WDR20: variants seen among roughly 807,000 people sequenced by gnomAD.
WDR20 encodes the protein WD repeat-containing protein 20.
In WDR20, 3 loss-of-function variants were observed where a neutral mutation model predicts 38.7. That is an observed-to-expected ratio of 0.08 (90% CI 0.04 to 0.20). WDR20 has a LOEUF of 0.20. WDR20 is among the 10% of genes least tolerant of loss of function. The pLI, the probability that WDR20 is intolerant of heterozygous loss-of-function variation, is 1.00. For synonymous variants in WDR20, 298 were observed against 285.6 expected, an observed-to-expected ratio of 1.04 and a Z score of -0.44; for missense variants, 559 against 727.7, an observed-to-expected ratio of 0.77 and a Z score of 2.67.
At chr14:102,194,057 C>G (rs1462873583) in intron 1 of WDR20, among the ~76,000 whole-genome samples, 3 of 152,206 alleles carry the variant, frequency 2.0e-5, no homozygotes, top group Non-Finnish European at 4.4e-5. Context: ...TCTCCCCATC[C>G]CCTTAATGGT....
chr14:102,193,639 C>T (rs752186757), intron 1 of WDR20: 52 of 833,840 alleles, frequency 6.2e-5, no homozygotes, highest in Admixed American at 2.5e-4. Context: ...TGCTCAAAGA[C>T]GCCTGTAATT....
chr14:102,193,154 T>G (rs1465544528), intron 1 of WDR20, among the ~76,000 whole-genome samples: 1 of 151,320 alleles, frequency 6.6e-6, no homozygotes, highest in Non-Finnish European at 1.5e-5. Flanking sequence ...TTTGTGGCTG[T>G]CTTCCTCGTT....
downstream of WDR20, chr14:102,214,410 C>A: frequency 1.0e-6 from 1 of 985,432 alleles, no homozygotes; most frequent in Non-Finnish European, 1.2e-6. Context: ...TAAAAGCACT[C>A]GTATGCAACT....
chr14:102,213,744 T>TG (rs1177265519), downstream of WDR20: 9 of 985,310 alleles, frequency 9.1e-6, no homozygotes, highest in African/African-American at 1.4e-4. Context: ...GTGCTGAAGT[T>TG]GCCTGCATAC....
In WDR20 at chr14:102,179,847, A is replaced by G. The variant is rs1419410018; in HGVS notation, c.250-15091A>G. Reference sequence around the variant, plus strand: ...GAGTGCATTTAAAAAATGTAAATTGATACTATTAATAATGATAACAGTTAC... The same window carrying G: ...GAGTGCATTTAAAAAATGTAAATTGGTACTATTAATAATGATAACAGTTAC... On this transcript the variant is annotated intron_variant, in intron 1 of 2. Coordinates refer to ENST00000342702, the MANE Select transcript of WDR20 (RefSeq NM_144574.4). Among the ~76,000 whole-genome samples the G allele has an allele frequency of 2.0e-5, 3 of 152,180 alleles. 1 individual carries two copies. Among genetic ancestry groups the G allele is most frequent in the African/African-American group, 4.8e-5 (2 of 41,446 alleles).
downstream of WDR20, among the ~76,000 whole-genome samples, chr14:102,218,656 T>G (rs1597143341): frequency 6.6e-6 from 1 of 151,930 alleles, no homozygotes; most frequent in Non-Finnish European, 1.5e-5. Context: ...TTTTTATCAC[T>G]TAATTTTGAA....
chr14:102,200,060 C>T (rs974912887), intron 2 of WDR20, among the ~76,000 whole-genome samples: 3 of 152,222 alleles, frequency 2.0e-5, no homozygotes, highest in African/African-American at 4.8e-5. Flanking sequence ...GCCCAGTGAG[C>T]ATGGGCAGGC....
At chr14:102,147,677 T>A (rs569915175) in intron 1 of WDR20, among the ~76,000 whole-genome samples, 4,973 of 152,284 alleles carry the variant, frequency 0.033, 276 homozygotes, top group African/African-American at 0.11. Flanking sequence ...TGGTGGATTT[T>A]GTCACTGAGT....
At chr14:102,210,658 C>T (rs962821945), downstream of WDR20, 1 of 506,670 alleles carries the variant, frequency 2.0e-6, no homozygotes, top group Non-Finnish European at 2.5e-6. Context: ...GCCACATAAG[C>T]GAAGACCTTT....
intron 2 of WDR20, among the ~76,000 whole-genome samples, chr14:102,206,146 C>T (rs2061498423): frequency 6.6e-6 from 1 of 152,118 alleles, no homozygotes; most frequent in African/African-American, 2.4e-5. Flanking sequence ...ACTACCATGC[C>T]CAGCTAATTT....
intron 1 of WDR20, among the ~76,000 whole-genome samples, chr14:102,171,822 T>A (rs1250985194): frequency 6.6e-6 from 1 of 151,856 alleles, no homozygotes; most frequent in Admixed American, 6.6e-5. Context: ...ATGCATTATA[T>A]TTAAGGAATA....
chr14:102,143,812 GGATTACAGGCGTGAGCC>G (rs2052461112), intron 1 of WDR20, among the ~76,000 whole-genome samples: 1 of 151,556 alleles, frequency 6.6e-6, no homozygotes, highest in Non-Finnish European at 1.5e-5. Context: ...CAAAGTGCTG[GGATTACAGGCGTGAGCC>G]ACTGCGCCCG....
chr14:102,149,792 C>T (rs965040566), intron 1 of WDR20, among the ~76,000 whole-genome samples: 3 of 152,192 alleles, frequency 2.0e-5, no homozygotes, highest in African/African-American at 7.2e-5. Flanking sequence ...CTCCTGGGTT[C>T]AAGCAGTTCT....
chr14:102,164,411 C>A (rs1038307869), intron 1 of WDR20, among the ~76,000 whole-genome samples: 5 of 152,166 alleles, frequency 3.3e-5, no homozygotes, highest in Non-Finnish European at 5.9e-5. Flanking sequence ...CTAATCTCCT[C>A]TAGTCCACCT....
At position 102,207,828 on chromosome 14, in the gene WDR20, G is replaced by A. The variant is rs189879024; in HGVS notation, c.433-775G>A. On this transcript the variant is annotated intron_variant, in intron 2 of 2. Coordinates refer to ENST00000342702, the MANE Select transcript of WDR20 (RefSeq NM_144574.4). This position sits in a 1 kb window ranked among gnomAD's most constrained non-coding sequence, Gnocchi z 5.0. Reference sequence around the variant, plus strand: ...TTTAAAGGCAAGACTACTGACATACGCCTGTTAAAGAAACATCTCGGTCAG... The same window carrying A: ...TTTAAAGGCAAGACTACTGACATACACCTGTTAAAGAAACATCTCGGTCAG... Among the ~76,000 whole-genome samples, 214 of 152,256 alleles carry A rather than the reference G, an allele frequency of 1.4e-3. No individual in the cohort carries two copies. Among genetic ancestry groups the A allele is most frequent in the African/African-American group, 5.1e-3 (211 of 41,550 alleles).
chr14:102,142,774 C>CTTTTTTTTT (rs71116885), intron 1 of WDR20, among the ~76,000 whole-genome samples: 3 of 85,004 alleles, frequency 3.5e-5, no homozygotes, highest in Non-Finnish European at 4.4e-5. Flanking sequence ...GCTGTTTTGA[C>CTTTTTTTTT]TTTTTTTTTT....
chr14:102,172,775 G>C (rs1314397111), intron 1 of WDR20, among the ~76,000 whole-genome samples: 2 of 150,310 alleles, frequency 1.3e-5, no homozygotes, highest in Non-Finnish European at 3.0e-5. Context: ...CTTCCCAGAC[G>C]GGGTGGCTGC....
At position 102,209,629 on chromosome 14, in the gene WDR20, A is replaced by G. The variant is rs1241071954; in HGVS notation, c.1459A>G (p.Ile487Val). The G allele has an allele frequency of 2.5e-6, 4 of 1,614,210 alleles. No homozygotes were observed. The East Asian group carries it at 8.9e-5, about 36-fold the overall frequency. Residue 487 changes from isoleucine to valine, a missense_variant, in exon 3 of 3, where the codon ATT (isoleucine) becomes GTT (valine). Transcript: ENST00000342702. The surrounding 1 kb of genome is among the most constrained non-coding windows in gnomAD (Gnocchi z 6.0). ...DHKRNHSMGH[I>V]SSKSSDKLNL... ...CAAGCGAAATCATAGCATGGGACAC[A>G]TTTCTAGCAAGAGCAGTGACAAACT...
At chr14:102,200,211 C>G (rs2060063580) in intron 2 of WDR20, among the ~76,000 whole-genome samples, 1 of 152,188 alleles carries the variant, frequency 6.6e-6, no homozygotes, top group African/African-American at 2.4e-5. Flanking sequence ...TCCCTGGAGT[C>G]TCTGCTTTCC....
Sources: gnomAD v4.1 joint callset for allele counts (sites outside exome capture counted in the v4.1 genomes callset) on GRCh38, gnomAD v4.1.1 for gene constraint, Gnocchi (gnomAD v3.1) non-coding constraint, MANE v1.5 for transcripts, NCBI Gene and HGNC (gene_info 2026-07-23, HGNC 2026-07-21) for gene names.